ANTXR2: variants seen among roughly 807,000 people sequenced by gnomAD.
The protein encoded by ANTXR2 is ANTXR cell adhesion molecule 2.
Under a neutral mutation model 73.7 loss-of-function variants are expected in ANTXR2, and 44 were observed. That is an observed-to-expected ratio of 0.60 (90% confidence interval 0.47 to 0.77). ANTXR2 has a LOEUF of 0.77. Among genes scored for constraint, ANTXR2 ranks in the 30% least tolerant of loss-of-function variants. The pLI, the probability that ANTXR2 is intolerant of heterozygous loss-of-function variation, is 0.00. For synonymous variants in ANTXR2, 217 were observed against 205.9 expected (o/e 1.05, Z -0.46); for missense variants, 604 against 592.5 (o/e 1.02, Z -0.20).
In ANTXR2 at chr4:79,993,752, A is replaced by ACACACACG. The variant is rs1276924389; in HGVS notation, c.1042-8897_1042-8890dup. On this transcript the variant is annotated intron_variant, in intron 12 of 16. Transcript: ENST00000403729. ...TAGAGTCTGGCAATACACCACACAC[A>ACACACACG]CACACACGCACACACACACACACAC... is the stretch of plus-strand genomic sequence containing the variant. Among the ~76,000 whole-genome samples the ACACACACG allele has an allele frequency of 6.1e-3, 680 of 111,804 alleles. 12 individuals are homozygous for ACACACACG. The highest frequency in any genetic ancestry group is 0.022 in the African/African-American group (646 of 29,154). The allele number at this position is 111,804 out of a possible 152,430, so 73.3% of individuals were successfully genotyped here. A position where few individuals can be genotyped will look rare whatever the true frequency, so the allele number is the denominator to read the frequency against.
At chr4:79,980,941 AAG>A (rs1553929940) in intron 14 of ANTXR2, among the ~76,000 whole-genome samples, 1 of 126,848 alleles carries the variant, frequency 7.9e-6, no homozygotes, top group Non-Finnish European at 1.9e-5. Context: ...AAAAAAAAAA[AAG>A]AGAAGTACCT....
intron 16 of ANTXR2, among the ~76,000 whole-genome samples, chr4:79,956,631 T>G (rs1474279782): frequency 6.6e-6 from 1 of 152,146 alleles, no homozygotes; most frequent in African/African-American, 2.4e-5. Context: ...GCTCAGTGAC[T>G]GTTAGCTGAA....
intron 8 of ANTXR2, 75 bp downstream of exon 8, chr4:80,035,897 A>T: frequency 2.9e-5 from 34 of 1,158,744 alleles, no homozygotes; most frequent in Non-Finnish European, 3.9e-5. Flanking sequence ...TTCCAACATG[A>T]GTTTCATATC....
chr4:79,975,920 T>TTTC (rs1553929419), intron 16 of ANTXR2, among the ~76,000 whole-genome samples: 3 of 150,802 alleles, frequency 2.0e-5, no homozygotes, highest in Non-Finnish European at 4.4e-5. Flanking sequence ...TACACTTTTT[T>TTTC]TTTTTTTTTT....
intron 10 of ANTXR2, among the ~76,000 whole-genome samples, chr4:80,029,307 TTAAC>T (rs1732579791): frequency 6.6e-6 from 1 of 151,896 alleles, no homozygotes; most frequent in Non-Finnish European, 1.5e-5. Context: ...ATTACTTTCT[TTAAC>T]TAGTCACTAT....
chr4:80,051,033 G>T (rs1733749499), intron 7 of ANTXR2, among the ~76,000 whole-genome samples: 1 of 151,730 alleles, frequency 6.6e-6, no homozygotes, highest in East Asian at 2.0e-4. Flanking sequence ...ACCTCAGCCA[G>T]TCAGCTCAGA....
At chr4:80,018,780 C>T in intron 11 of ANTXR2, 118 bp downstream of exon 11, 1 of 866,152 alleles carries the variant, frequency 1.2e-6, no homozygotes, top group South Asian at 1.9e-5. Flanking sequence ...TTGTAATGGT[C>T]TCCAATGTTA....
intron 16 of ANTXR2, among the ~76,000 whole-genome samples, chr4:79,951,266 T>C (rs1438684473): frequency 6.6e-6 from 1 of 152,122 alleles, no homozygotes; most frequent in Non-Finnish European, 1.5e-5. Context: ...GCTAGTCTAA[T>C]ATACTACATT....
At chr4:79,921,754 TGG>T (rs779053266) in intron 16 of ANTXR2, among the ~76,000 whole-genome samples, 22,194 of 67,146 alleles carry the variant, frequency 0.33, 2,832 homozygotes, top group African/African-American at 0.46. Context: ...GTTTGTTTGT[TGG>T]TTGGTTGGTT....
At chr4:80,011,124 C>T (rs751335524) in intron 11 of ANTXR2, among the ~76,000 whole-genome samples, 9 of 149,978 alleles carry the variant, frequency 6.0e-5, no homozygotes, top group African/African-American at 9.8e-5. Context: ...CCAGCCTGGG[C>T]GACAGAGAAA....
chr4:79,997,861 C>T (rs1280209246), intron 12 of ANTXR2, among the ~76,000 whole-genome samples: 3 of 151,930 alleles, frequency 2.0e-5, no homozygotes, highest in African/African-American at 7.2e-5. Context: ...GTAAAAGATG[C>T]TCTGTCGGAA....
At chr4:80,017,723 T>C (rs908913982) in intron 11 of ANTXR2, among the ~76,000 whole-genome samples, 6 of 152,102 alleles carry the variant, frequency 3.9e-5, no homozygotes, top group Admixed American at 3.9e-4. Context: ...AGCTAAACAC[T>C]GAGAAACTAC....
intron 7 of ANTXR2, among the ~76,000 whole-genome samples, chr4:80,040,047 T>C (rs983324452): frequency 1.3e-5 from 2 of 151,964 alleles, no homozygotes; most frequent in Admixed American, 6.6e-5. Flanking sequence ...TTCTCACTTA[T>C]AAGTGGGAGC....
chr4:79,919,865 TTATATATATATATA>T (rs869257072), intron 16 of ANTXR2, among the ~76,000 whole-genome samples: 158 of 17,780 alleles, frequency 8.9e-3, no homozygotes, highest in Non-Finnish European at 0.013. Context: ...AATACATATT[TTATATATATATATA>T]TATATATATA....
intron 2 of ANTXR2, 73 bp downstream of exon 2, chr4:80,071,510 G>C: frequency 7.6e-7 from 1 of 1,312,608 alleles, no homozygotes; most frequent in Non-Finnish European, 1.1e-6. Context: ...TCCTATAAAA[G>C]GTTTCAGAAA....
chr4:80,018,388 A>G (rs1731984526), intron 11 of ANTXR2, among the ~76,000 whole-genome samples: 1 of 152,194 alleles, frequency 6.6e-6, no homozygotes, highest in East Asian at 1.9e-4. Context: ...ATCTCAAAAT[A>G]TATATTCGAT....
intron 3 of ANTXR2, among the ~76,000 whole-genome samples, chr4:80,068,917 A>G (rs766680272): frequency 7.2e-5 from 11 of 152,244 alleles, no homozygotes; most frequent in Non-Finnish European, 1.3e-4. Context: ...GAGATTAAAT[A>G]GATAGGTAGA....
chr4:80,056,961 A>T (rs994140530), intron 3 of ANTXR2, among the ~76,000 whole-genome samples: 1 of 151,898 alleles, frequency 6.6e-6, no homozygotes, highest in African/African-American at 2.4e-5. Flanking sequence ...TAAATTCAAA[A>T]CTTGTTTTAT....
intron 3 of ANTXR2, among the ~76,000 whole-genome samples, chr4:80,066,904 A>C (rs1223018848): frequency 6.6e-6 from 1 of 152,180 alleles, no homozygotes; most frequent in Middle Eastern, 3.2e-3. Flanking sequence ...TCTTTAAAGA[A>C]AGGCCTCTTC....
Sources: gnomAD v4.1 joint callset for allele counts (sites outside exome capture counted in the v4.1 genomes callset) on GRCh38, gnomAD v4.1.1 for gene constraint, MANE v1.5 for transcripts, NCBI Gene and HGNC (gene_info 2026-07-23, HGNC 2026-07-21) for gene names.